The following UTRN variants were observed in gnomAD, a reference collection of about 807,000 sequenced individuals.
UTRN encodes dystrophin-related protein 1.
UTRN carries 283 observed loss-of-function variants against 463.9 expected under a neutral mutation model. That is an observed-to-expected ratio of 0.61 (90% CI 0.55 to 0.67). The LOEUF (loss-of-function observed/expected upper bound fraction) is 0.67, where lower values mean the gene tolerates loss of function less well. Ranked by LOEUF, UTRN falls within the 30% of genes least tolerant of loss-of-function variation. The pLI, the probability that UTRN is intolerant of heterozygous loss-of-function variation, is 0.00. For missense variants in UTRN, 3,922 were observed against 4,084.3 expected (o/e 0.96, Z 1.08); for synonymous variants, 1,442 against 1,431.5 (o/e 1.01, Z -0.17).
intron 9 of UTRN, among the ~76,000 whole-genome samples, chr6:144,433,184 C>T: frequency 6.6e-6 from 1 of 152,056 alleles, no homozygotes; most frequent in South Asian, 2.1e-4. Context: ...ATGGCCCGTT[C>T]TCAATGAGCT....
At chr6:144,534,517 T>G (rs1037194651) in intron 43 of UTRN, among the ~76,000 whole-genome samples, 7 of 152,228 alleles carry the variant, frequency 4.6e-5, no homozygotes, top group Non-Finnish European at 8.8e-5. Context: ...GAGGATTAAA[T>G]GCAATAGTGT....
chr6:144,674,683 A>C (rs1227837348), intron 51 of UTRN, among the ~76,000 whole-genome samples: 3 of 151,982 alleles, frequency 2.0e-5, no homozygotes, highest in Non-Finnish European at 4.4e-5. Context: ...CAGTCTCCCA[A>C]GTAGCTGGGA....
At chr6:144,733,421 G>T (rs1788988780) in intron 54 of UTRN, among the ~76,000 whole-genome samples, 1 of 151,546 alleles carries the variant, frequency 6.6e-6, no homozygotes, top group African/African-American at 2.4e-5. Flanking sequence ...GGAGGCTGAG[G>T]CAGGGGAATC....
chr6:144,476,501 C>T (rs1424916785), intron 25 of UTRN, among the ~76,000 whole-genome samples: 2 of 152,096 alleles, frequency 1.3e-5, no homozygotes, highest in Non-Finnish European at 2.9e-5. Flanking sequence ...TTTTACAAAG[C>T]TTCCACTTTG....
intron 51 of UTRN, among the ~76,000 whole-genome samples, chr6:144,603,263 T>C (rs1008205768): frequency 6.6e-6 from 1 of 152,216 alleles, no homozygotes; most frequent in Non-Finnish European, 1.5e-5. Context: ...TGCATATCTT[T>C]TACTGTAACA....
chr6:144,431,413 G>A (rs564050482), intron 9 of UTRN, among the ~76,000 whole-genome samples: 20 of 152,260 alleles, frequency 1.3e-4, no homozygotes, highest in East Asian at 1.9e-4. Context: ...GCTGAATTAC[G>A]TTAATTGAAA....
intron 44 of UTRN, among the ~76,000 whole-genome samples, chr6:144,538,840 A>G (rs905424538): frequency 1.3e-5 from 2 of 152,208 alleles, no homozygotes; most frequent in African/African-American, 2.4e-5. Context: ...TGGAACATAT[A>G]TTAAGTTTTC....
Position 144,566,412 on chromosome 6 carries a change from T to C in UTRN, c.7289+9101T>C, listed in dbSNP as rs180700447. The stretch of plus-strand genomic sequence containing the variant: ...GTAGCCCTGTTGAACTACTCTTTAA[T>C]AGCATTCATCTACTCAATGAGGCAA... On this transcript the variant is annotated intron_variant, in intron 50 of 74. Transcript: ENST00000367545. Among the ~76,000 whole-genome samples, 184 of 152,292 alleles carry C rather than the reference T, an allele frequency of 1.2e-3. 1 individual carries two copies. Among genetic ancestry groups the C allele is most frequent in the Middle Eastern group, 0.01 (3 of 294 alleles).
At chr6:144,530,659 A>G (rs1796963158) in intron 41 of UTRN, among the ~76,000 whole-genome samples, 2 of 152,202 alleles carry the variant, frequency 1.3e-5, no homozygotes, top group African/African-American at 4.8e-5. Context: ...TAACATGCCT[A>G]CAACTAATCG....
At chr6:144,290,009 A>G (rs553692610) in intron 1 of UTRN, among the ~76,000 whole-genome samples, 56 of 152,316 alleles carry the variant, frequency 3.7e-4, no homozygotes, top group African/African-American at 1.2e-3. Flanking sequence ...GTCTGTGTGT[A>G]TGCATATATA....
intron 13 of UTRN, among the ~76,000 whole-genome samples, chr6:144,441,000 G>A (rs1023472913): frequency 3.3e-5 from 5 of 152,052 alleles, no homozygotes; most frequent in African/African-American, 7.3e-5. Flanking sequence ...AGAGACCTGC[G>A]CCCATGAATC....
intron 54 of UTRN, among the ~76,000 whole-genome samples, chr6:144,732,713 GTTATGT>G (rs1353259883): frequency 9.4e-5 from 14 of 149,444 alleles, no homozygotes; most frequent in Non-Finnish European, 1.8e-4. Context: ...GTTATGTTAT[GTTATGT>G]TATGTTATTT....
chr6:144,340,560 C>T (rs1216874996), intron 2 of UTRN, among the ~76,000 whole-genome samples: 5 of 152,170 alleles, frequency 3.3e-5, no homozygotes, highest in African/African-American at 1.2e-4. Flanking sequence ...CTGTAATTCT[C>T]TCTCCACTCC....
intron 2 of UTRN, among the ~76,000 whole-genome samples, chr6:144,393,213 T>C (rs533427834): frequency 7.9e-5 from 12 of 152,306 alleles, no homozygotes; most frequent in African/African-American, 2.6e-4. Flanking sequence ...GGACTAGTTT[T>C]GCCAATTAGG....
At chr6:144,348,422 T>C (rs1229504339) in intron 2 of UTRN, among the ~76,000 whole-genome samples, 6 of 152,192 alleles carry the variant, frequency 3.9e-5, no homozygotes, top group Non-Finnish European at 8.8e-5. Flanking sequence ...GACCCACCAG[T>C]TGACTATATC....
intron 30 of UTRN, among the ~76,000 whole-genome samples, chr6:144,489,820 C>T (rs1418494181): frequency 6.6e-6 from 1 of 151,696 alleles, no homozygotes; most frequent in East Asian, 2.0e-4. Context: ...TGGGGTTTCA[C>T]CATCTTGGCC....
At chr6:144,719,345 G>A (rs1390984002) in intron 53 of UTRN, among the ~76,000 whole-genome samples, 2 of 152,140 alleles carry the variant, frequency 1.3e-5, no homozygotes, top group Admixed American at 6.5e-5. Flanking sequence ...TTGGGAGGCC[G>A]AGGAAGGCGG....
intron 37 of UTRN, 64 bp downstream of exon 37, chr6:144,514,884 T>G (rs1052550627): frequency 9.7e-6 from 14 of 1,442,042 alleles, no homozygotes; most frequent in Admixed American, 2.3e-5. Flanking sequence ...ATGATAGTCA[T>G]ACAGTACATA....
chr6:144,829,553 G>A (rs928315728), intron 69 of UTRN, among the ~76,000 whole-genome samples: 2 of 148,094 alleles, frequency 1.4e-5, no homozygotes, highest in Admixed American at 1.3e-4. Flanking sequence ...TCTTTTTTTT[G>A]TGCCCTGGAA....
Sources: gnomAD v4.1 joint callset for allele counts (sites outside exome capture counted in the v4.1 genomes callset) on GRCh38, gnomAD v4.1.1 for gene constraint, MANE v1.5 for transcripts, NCBI Gene and HGNC (gene_info 2026-07-23, HGNC 2026-07-21) for gene names.